ASB2: variants seen among roughly 807,000 people sequenced by gnomAD.
ASB2 encodes ankyrin repeat and SOCS box protein 2.
In ASB2, 58 loss-of-function variants were observed where a neutral mutation model predicts 62.4. The ratio of observed to expected loss-of-function variants is 0.93; its 90% CI spans 0.75 to 1.16. The LOEUF (loss-of-function observed/expected upper bound fraction) is 1.16. Among genes scored for constraint, ASB2 ranks in the 50% most tolerant of loss-of-function variants. The pLI is 0.00. For missense variants in ASB2, 928 were observed against 887.9 expected, an observed-to-expected ratio of 1.05 and a Z score of -0.57; for synonymous variants, 386 against 385.3, an observed-to-expected ratio of 1.00 and a Z score of -0.02.
rs907572910 is a variant in ASB2 at position 93,939,146 on chromosome 14, C to A, written c.1579G>T (p.Asp527Tyr). 12 of 1,570,020 alleles carry A rather than the reference C, an allele frequency of 7.6e-6. No individual in the cohort carries two copies. Among genetic ancestry groups the A allele is most frequent in the Non-Finnish European group, 8.7e-6 (10 of 1,154,548 alleles). The change falls in exon 8 of 10, where the codon GAC becomes TAC. Residue 527 changes from aspartate (D) to tyrosine (Y), a missense_variant. Transcript: ENST00000555019. ...GGCTCCTTGTCGGCCGCGGGCGCGT[C>A]GTTGAACCTGCTGGAGGGCTGCGGG... Reference protein sequence around the residue: ...PAPQPSSRFNDAPAADKEPSV... With the variant: ...PAPQPSSRFNYAPAADKEPSV...
intron 7 of ASB2, 54 bp downstream of exon 7, chr14:93,947,295 T>A: frequency 6.3e-7 from 1 of 1,596,238 alleles, no homozygotes. Flanking sequence ...AATCCCCTAC[T>A]CCCAGTGTGG....
intron 6 of ASB2, among the ~76,000 whole-genome samples, chr14:93,949,138 G>T (rs1567023801): frequency 6.6e-6 from 1 of 152,180 alleles, no homozygotes; most frequent in Non-Finnish European, 1.5e-5. Flanking sequence ...TGTTCTGGAA[G>T]GACATGGAAC....
At chr14:93,953,946 C>T (rs995744834) in intron 4 of ASB2, among the ~76,000 whole-genome samples, 2 of 152,174 alleles carry the variant, frequency 1.3e-5, no homozygotes, top group African/African-American at 4.8e-5. Flanking sequence ...ACGGCTGTCC[C>T]GCGGTCCCAC....
chr14:93,956,878 G>T lies in ASB2; in HGVS notation c.207-8C>A. On this transcript the variant is annotated splice_polypyrimidine_tract_variant and splice_region_variant and intron_variant, in intron 2 of 9. Transcript: ENST00000555019. ...TCAGGAGGTGCAGTGGACCTGGAGG[G>T]TGCAGAGCAGGAGTGAAAGAGGGAA... The T allele has an allele frequency of 1.2e-6, 2 of 1,614,166 alleles. No homozygotes were observed. Among genetic ancestry groups the T allele is most frequent in the East Asian group, 4.5e-5 (2 of 44,882 alleles).
chr14:93,935,548 G>A (rs1233926464), intron 9 of ASB2, among the ~76,000 whole-genome samples: 1 of 152,244 alleles, frequency 6.6e-6, no homozygotes, highest in Non-Finnish European at 1.5e-5. Flanking sequence ...GCTTCCACAA[G>A]AGACGGTGCC....
intron 7 of ASB2, among the ~76,000 whole-genome samples, chr14:93,940,914 C>T (rs1888493774): frequency 6.6e-6 from 1 of 152,260 alleles, no homozygotes; most frequent in African/African-American, 2.4e-5. Flanking sequence ...TGAACCCAGG[C>T]AGTCTGACCC....
intron 2 of ASB2, among the ~76,000 whole-genome samples, chr14:93,962,944 G>C (rs1284606916): frequency 6.6e-6 from 1 of 152,206 alleles, no homozygotes; most frequent in Non-Finnish European, 1.5e-5. Context: ...CTGTTTCTCA[G>C]ATTGGGTTTC....
intron 7 of ASB2, among the ~76,000 whole-genome samples, chr14:93,942,812 C>T (rs34284775): frequency 1.2e-3 from 178 of 152,072 alleles, no homozygotes; most frequent in African/African-American, 4.1e-3. Context: ...CTCTCTGAAC[C>T]GCACCTAAAG....
intron 7 of ASB2, among the ~76,000 whole-genome samples, chr14:93,945,267 T>C (rs1888680142): frequency 6.6e-6 from 1 of 152,168 alleles, no homozygotes; most frequent in South Asian, 2.1e-4. Context: ...GGGGTCAGGC[T>C]CAAGGTAAAC....
In ASB2 at chr14:93,946,637, G is replaced by A. The variant is rs142837783; in HGVS notation, c.1052+712C>T. 5.7e-3 allele frequency among the ~76,000 whole-genome samples: 862 copies of A among 152,346 alleles called. 4 individuals are homozygous for A. Among genetic ancestry groups the A allele is most frequent in the Middle Eastern group, 0.01 (3 of 294 alleles). On this transcript the variant is annotated intron_variant, in intron 7 of 9. Coordinates refer to ENST00000555019, the MANE Select transcript of ASB2 (RefSeq NM_001202429.2). The stretch of plus-strand genomic sequence containing the variant: ...TAGCCCCGGCTCGTCTGTCTCCACA[G>A]GAGCCATGCAGCTCTTCGGCATGCT...
At position 93,939,386 on chromosome 14, in the gene ASB2, C is replaced by A. The variant is rs971795953; in HGVS notation, c.1339G>T (p.Val447Leu). 1.2e-6 allele frequency: 2 copies of A among 1,612,870 alleles called. No individual in the cohort carries two copies. Among genetic ancestry groups the A allele is most frequent in the Admixed American group, 3.3e-5 (2 of 59,998 alleles). Residue 447 changes from valine (V) to leucine (L), a missense_variant, in exon 8 of 10, where the codon GTG (valine) becomes TTG (leucine). Physicochemically the swap from Val to Leu is conservative, Grantham distance 32. Transcript: ENST00000555019. The part of the protein sequence containing the change: ...PNRDVISPLL[V>L]AIRHGCLRTM... ...CGCAGGCAGCCGTGGCGGATGGCCA[C>A]GAGCAAGGGGCTGATGACGTCGCGG...
At chr14:93,942,049 T>C in intron 7 of ASB2, 2 of 417,320 alleles carry the variant, frequency 4.8e-6, no homozygotes, top group South Asian at 3.4e-5. Context: ...CCTTCTACGA[T>C]GCCCCTCTCC....
rs141267455 is a variant in ASB2, at chr14:93,967,591, T to C, written c.-73-2979A>G. ...TGCTTTGTGACCTCAGCTAAGTCCCTGTCCTACTCTGGGCCTCAGTTTCCT... is the reference window on the plus strand; with the variant it reads ...TGCTTTGTGACCTCAGCTAAGTCCCCGTCCTACTCTGGGCCTCAGTTTCCT... On this transcript the variant is annotated intron_variant, in intron 1 of 9. Transcript: ENST00000555019. Among the ~76,000 whole-genome samples, 148 of 152,378 alleles carry C rather than the reference T, an allele frequency of 9.7e-4. 1 individual carries two copies. Among genetic ancestry groups the C allele is most frequent in the African/African-American group, 3.3e-3 (138 of 41,588 alleles).
At chr14:93,957,069 C>A in intron 2 of ASB2, 199 bp from the exon 3 acceptor site, 1 of 1,458,082 alleles carries the variant, frequency 6.9e-7, no homozygotes, top group African/African-American at 1.4e-5. Flanking sequence ...ATTTTTGGCC[C>A]TTGGAGGAAG....
rs752793993 is a variant in ASB2 at position 93,947,311 on chromosome 14, G to T, written c.1052+38C>A. The T allele has an allele frequency of 5.0e-6, 8 of 1,609,850 alleles. No homozygotes were observed. In the Admixed American group the frequency reaches 6.7e-5, roughly 13 times the overall value. On this transcript the variant is annotated intron_variant, in intron 7 of 9. Coordinates refer to ENST00000555019, the MANE Select transcript of ASB2 (RefSeq NM_001202429.2). ...ATCCCCTACTCCCAGTGTGGGCCTC[G>T]GGAGAGCTGCCTGGGTGCTGGCGGA...
chr14:93,964,689 C>A, intron 1 of ASB2, 77 bp from the exon 2 acceptor site: 4 of 686,334 alleles, frequency 5.8e-6, no homozygotes, highest in Non-Finnish European at 1.0e-5. Flanking sequence ...GAAGGGTATG[C>A]ATTTCACTGA....
Position 93,937,863 on chromosome 14 carries a change from C to T in ASB2, c.1618-12G>A, listed in dbSNP as rs1343934643. 1.3e-6 allele frequency: 2 copies of T among 1,585,454 alleles called. No individual in the cohort carries two copies. The highest frequency in any genetic ancestry group is 2.3e-5 in the East Asian group (1 of 43,856). On this transcript the variant is annotated splice_polypyrimidine_tract_variant and intron_variant, in intron 8 of 9. Coordinates refer to ENST00000555019, the MANE Select transcript of ASB2 (RefSeq NM_001202429.2). ...ACGAACTCACAGAACTGAAAGAGAA[C>T]ATGCCGGGACCAAGAAGTGAGTTCA... is the stretch of plus-strand genomic sequence containing the variant.
chr14:93,954,065 G>A (rs1412939319), intron 4 of ASB2: 2 of 541,260 alleles, frequency 3.7e-6, no homozygotes, highest in East Asian at 6.2e-5. Context: ...TCTTCTAAAA[G>A]TCAGCCCTCC....
chr14:93,956,431 G>T (rs576110096), intron 3 of ASB2, among the ~76,000 whole-genome samples: 2 of 152,120 alleles, frequency 1.3e-5, no homozygotes, highest in South Asian at 2.1e-4. Context: ...GGGTTCTAAG[G>T]CCATCTCCCC....
Sources: gnomAD v4.1 joint callset for allele counts (sites outside exome capture counted in the v4.1 genomes callset) on GRCh38, gnomAD v4.1.1 for gene constraint, MANE v1.5 for transcripts, NCBI Gene and HGNC (gene_info 2026-07-23, HGNC 2026-07-21) for gene names.